The following EYA2 variants were observed in gnomAD, a reference collection of about 807,000 sequenced individuals.
The protein encoded by EYA2 is protein phosphatase EYA2.
In EYA2, 31 loss-of-function variants were observed where a neutral mutation model predicts 69.2. The ratio of observed to expected loss-of-function variants is 0.45; its 90% CI spans 0.34 to 0.60. The LOEUF is 0.60. Among genes scored for constraint, EYA2 ranks in the 20% least tolerant of loss-of-function variants. The probability of loss-of-function intolerance (pLI) is 0.02; values close to 1 mark genes in which losing one functional copy is unlikely to be tolerated. For synonymous variants in EYA2, 257 were observed against 279.4 expected, an observed-to-expected ratio of 0.92 and a Z score of 0.80; for missense variants, 622 against 701.2, an observed-to-expected ratio of 0.89 and a Z score of 1.28.
At chr20:47,070,243 T>G (rs2031265795) in intron 5 of EYA2, among the ~76,000 whole-genome samples, 1 of 152,320 alleles carries the variant, frequency 6.6e-6, no homozygotes, top group Non-Finnish European at 1.5e-5. Context: ...GGAAAAAGAT[T>G]TGAGTAGATA....
At chr20:47,146,843 G>A (rs1473685597) in intron 10 of EYA2, among the ~76,000 whole-genome samples, 2 of 152,176 alleles carry the variant, frequency 1.3e-5, no homozygotes, top group Non-Finnish European at 2.9e-5. Context: ...ATGGAATGCT[G>A]TGGATTCAGC....
In EYA2 at chr20:47,074,167, T is replaced by C. The variant is rs775507043; in HGVS notation, c.493T>C (p.Ser165Pro). The change falls in exon 7 of 16, where the codon TCC becomes CCC. Residue 165 changes from serine to proline, a missense_variant. This residue lies in a region of EYA2 where 365 missense variants were observed against 349.7 expected (regional missense o/e 1.04). Coordinates refer to ENST00000327619, the MANE Select transcript of EYA2 (RefSeq NM_005244.5). ...GTTTTTCTCTTCCCAGGACTATCCT[T>C]CCTACCCCGGCTTCCCCCAGAGCCA... ...GFGSVHQDYP[S>P]YPGFPQSQYP... The C allele has an allele frequency of 6.2e-7, 1 of 1,611,446 alleles. No individual in the cohort carries two copies. The highest frequency in any genetic ancestry group is 8.5e-7 in the Non-Finnish European group (1 of 1,178,240).
rs775584894 is a variant in EYA2 at position 47,016,294 on chromosome 20, C to G, written c.412C>G (p.His138Asp). 2.4e-5 allele frequency: 39 copies of G among 1,612,384 alleles called. 1 individual carries two copies. In the East Asian group the frequency reaches 6.0e-4, roughly 25 times the overall value. The change falls in exon 5 of 16, where the codon CAC (histidine) becomes GAC (aspartate). Residue 138 changes from histidine to aspartate, a missense_variant. Physicochemically the swap from His to Asp is moderately conservative, Grantham distance 81. This residue lies in a region of EYA2 where 365 missense variants were observed against 349.7 expected (regional missense o/e 1.04). Coordinates refer to ENST00000327619, the MANE Select transcript of EYA2 (RefSeq NM_005244.5). ...ACAGAGCCCATACACCTACCAGATG[C>G]ACGGTCAGTGTGGCGCTGTGGCCCC... The part of the protein sequence containing the change: ...TGQSPYTYQM[H>D]GTTGFYQGGN...
At chr20:47,026,524 G>T (rs1263688044) in intron 5 of EYA2, among the ~76,000 whole-genome samples, 1 of 150,998 alleles carries the variant, frequency 6.6e-6, no homozygotes, top group Non-Finnish European at 1.5e-5. Context: ...CAAAAAAAAA[G>T]AAAACAAAAT....
At chr20:47,127,391 G>A (rs1290447809) in intron 9 of EYA2, among the ~76,000 whole-genome samples, 1 of 152,074 alleles carries the variant, frequency 6.6e-6, no homozygotes, top group Non-Finnish European at 1.5e-5. Flanking sequence ...ATCACCTGAG[G>A]TCAGGAGTTC....
At chr20:47,047,968 G>T (rs201451315) in intron 5 of EYA2, among the ~76,000 whole-genome samples, 1 of 152,026 alleles carries the variant, frequency 6.6e-6, no homozygotes, top group African/African-American at 2.4e-5. Context: ...ATGAGCCACC[G>T]CGCCCCTGCC....
chr20:46,955,595 G>A (rs1979073044), intron 1 of EYA2, among the ~76,000 whole-genome samples: 2 of 152,092 alleles, frequency 1.3e-5, no homozygotes, highest in South Asian at 2.1e-4. Flanking sequence ...TTAATTGTTG[G>A]GTATATACCC....
At chr20:46,935,784 ATAT>A (rs1568674616) in intron 1 of EYA2, among the ~76,000 whole-genome samples, 1 of 152,098 alleles carries the variant, frequency 6.6e-6, no homozygotes, top group African/African-American at 2.4e-5. Flanking sequence ...TGTATTTGTA[ATAT>A]TATGTTGCAA....
At chr20:47,015,243 G>T (rs116700378) in intron 4 of EYA2, among the ~76,000 whole-genome samples, 1 of 152,162 alleles carries the variant, frequency 6.6e-6, no homozygotes, top group Admixed American at 6.6e-5. Context: ...TTTCTACAAT[G>T]CATTCATTAC....
At chr20:47,146,734 A>G (rs2033709275) in intron 10 of EYA2, among the ~76,000 whole-genome samples, 1 of 152,200 alleles carries the variant, frequency 6.6e-6, no homozygotes, top group Admixed American at 6.5e-5. Flanking sequence ...CAAAGCCAGA[A>G]GCCTTTGTTC....
chr20:47,118,156 C>T lies in EYA2; in HGVS notation c.888+20988C>T, dbSNP rs538631632. Among the ~76,000 whole-genome samples the T allele has an allele frequency of 3.9e-5, 6 of 152,348 alleles. No individual in the cohort carries two copies. In the South Asian group the frequency reaches 1.2e-3, roughly 32 times the overall value. ...GATGTGGATTAAGTCAAGATGAATA[C>T]AATTTGAAAAGGATTTTCTGAGGAA... On this transcript the variant is annotated intron_variant, in intron 9 of 15. Coordinates refer to ENST00000327619, the MANE Select transcript of EYA2 (RefSeq NM_005244.5).
At chr20:46,995,458 A>G (rs1445516590) in intron 2 of EYA2, among the ~76,000 whole-genome samples, 2 of 152,186 alleles carry the variant, frequency 1.3e-5, no homozygotes, top group African/African-American at 4.8e-5. Flanking sequence ...GCTCATGGTC[A>G]CAGAGCCTCT....
intron 1 of EYA2, among the ~76,000 whole-genome samples, chr20:46,986,490 T>G (rs932380947): frequency 1.0e-5 from 1 of 98,596 alleles, no homozygotes; most frequent in African/African-American, 3.3e-5. Flanking sequence ...TATATCTCTC[T>G]CCAATATAAA....
chr20:46,944,732 C>T (rs1226984174), intron 1 of EYA2, among the ~76,000 whole-genome samples: 1 of 152,152 alleles, frequency 6.6e-6, no homozygotes, highest in African/African-American at 2.4e-5. Context: ...ATACCAAGAA[C>T]AGGTATCCAG....
intron 2 of EYA2, among the ~76,000 whole-genome samples, chr20:46,999,584 A>G (rs1982230671): frequency 6.6e-6 from 1 of 152,260 alleles, no homozygotes; most frequent in South Asian, 2.1e-4. Context: ...ACTATGGGCA[A>G]TACCTGCTGC....
At chr20:47,113,239 G>T (rs559003478) in intron 9 of EYA2, among the ~76,000 whole-genome samples, 1 of 152,274 alleles carries the variant, frequency 6.6e-6, no homozygotes, top group South Asian at 2.1e-4. Context: ...TTGATTGGGA[G>T]GGTATGAGGG....
chr20:47,046,973 A>G (rs2030071325), intron 5 of EYA2, among the ~76,000 whole-genome samples: 1 of 152,214 alleles, frequency 6.6e-6, no homozygotes, highest in Non-Finnish European at 1.5e-5. Flanking sequence ...AGGCTGGGGT[A>G]TGATATCTGT....
chr20:47,151,225 G>T (rs1453516214), intron 10 of EYA2, among the ~76,000 whole-genome samples: 2 of 151,878 alleles, frequency 1.3e-5, no homozygotes, highest in Non-Finnish European at 2.9e-5. Flanking sequence ...ACAAAAACTA[G>T]CAGGTCATCG....
At chr20:47,009,092 T>A (rs1392151729) in intron 4 of EYA2, among the ~76,000 whole-genome samples, 3 of 152,206 alleles carry the variant, frequency 2.0e-5, no homozygotes, top group Non-Finnish European at 4.4e-5. Context: ...GACCCTGATC[T>A]AGATGAAGGG....
Sources: allele counts gnomAD v4.1 joint callset (sites outside exome capture counted in the v4.1 genomes callset), GRCh38; gene constraint gnomAD v4.1.1; regional missense constraint gnomAD v4.1.1; transcripts MANE v1.5; gene names NCBI Gene and HGNC (gene_info 2026-07-23, HGNC 2026-07-21).